Variants in CELF2 observed in about 807,000 individuals in gnomAD.
The protein encoded by CELF2 is CUGBP Elav-like family member 2, also known as CUG triplet repeat RNA-binding protein 2.
A neutral mutation model predicts 62.6 loss-of-function variants in CELF2; 8 were observed. The observed-to-expected ratio is 0.13, with a 90% CI of 0.07 to 0.23. The LOEUF is 0.23. CELF2 is among the 10% of genes least tolerant of loss of function. The pLI, the probability that CELF2 is intolerant of heterozygous loss-of-function variation, is 1.00. For missense variants in CELF2, 333 were observed against 671.0 expected, an observed-to-expected ratio of 0.50 and a Z score of 5.56; for synonymous variants, 258 against 250.0, an observed-to-expected ratio of 1.03 and a Z score of -0.30.
chr10:11,207,570 G>A lies in CELF2; in HGVS notation c.272-9855G>A, dbSNP rs141558949. Among the ~76,000 whole-genome samples, 687 of 152,350 alleles carry A rather than the reference G, an allele frequency of 4.5e-3. 7 individuals are homozygous for A. The highest frequency in any genetic ancestry group is 0.016 in the African/African-American group (658 of 41,578). ...GAAGGATGTTGGTGGAGCATCGCACGACTGCCTCAGGCGGCCAGAGGGCGG... is the reference window on the plus strand; with the variant it reads ...GAAGGATGTTGGTGGAGCATCGCACAACTGCCTCAGGCGGCCAGAGGGCGG... On this transcript the variant is annotated intron_variant, in intron 2 of 12. Transcript: ENST00000633077. The surrounding 1 kb of genome is among the most constrained non-coding windows in gnomAD (Gnocchi z 4.1).
intron 7 of CELF2, among the ~76,000 whole-genome samples, chr10:11,272,781 C>T (rs558449009): frequency 1.3e-5 from 2 of 152,224 alleles, no homozygotes; most frequent in Non-Finnish European, 2.9e-5. Flanking sequence ...GATTCTGACC[C>T]TGGCTCACCA....
chr10:11,136,053 G>T (rs1434750636), intron 1 of CELF2, among the ~76,000 whole-genome samples: 1 of 152,178 alleles, frequency 6.6e-6, no homozygotes, highest in Non-Finnish European at 1.5e-5. Flanking sequence ...GGAATATAGG[G>T]ATGTACAAAA....
At chr10:11,257,976 TAA>T in intron 5 of CELF2, 104 bp downstream of exon 5, 1 of 1,284,176 alleles carries the variant, frequency 7.8e-7, no homozygotes, top group South Asian at 1.4e-5. Context: ...GGTCACCCTG[TAA>T]TACATCCCAT....
At chr10:10,656,792 A>T in the CELF2 span, among the ~76,000 whole-genome samples, 1 of 145,080 alleles carries the variant, frequency 6.9e-6, no homozygotes, top group Non-Finnish European at 1.5e-5. Context: ...TAGTGGGTGC[A>T]GCGCACCAGC....
intron 1 of CELF2, among the ~76,000 whole-genome samples, chr10:10,860,264 C>T (rs2059976960): frequency 6.6e-6 from 1 of 152,108 alleles, no homozygotes. Context: ...TCTGAAAGAA[C>T]AAGATTAAAA....
Position 10,806,203 on chromosome 10 carries a change from C to CTTT in CELF2, c.53+7399_53+7401dup, listed in dbSNP as rs112165245. Among the ~76,000 whole-genome samples, 555 of 141,344 alleles carry CTTT rather than the reference C, an allele frequency of 3.9e-3. 11 individuals carry two copies. The highest frequency in any genetic ancestry group is 6.7e-3 in the African/African-American group (256 of 38,096). The allele number at this position is 141,344 out of a possible 152,430, so 92.7% of individuals were successfully genotyped here. A position where few individuals can be genotyped will look rare whatever the true frequency, so the allele number is the denominator to read the frequency against. On this transcript the variant is annotated intron_variant, in intron 1 of 13. Transcript: ENST00000636488. ...TGGGAGACACAGGGGTTCCAGTGTT[C>CTTT]TTTTTTTTTTTTTTTCTTTTGAGAT...
chr10:11,051,089 G>T (rs1312651083), intron 1 of CELF2, among the ~76,000 whole-genome samples: 2 of 152,206 alleles, frequency 1.3e-5, no homozygotes, highest in African/African-American at 4.8e-5. Context: ...CTTCTTGAAA[G>T]CATGGGGACA....
intron 1 of CELF2, among the ~76,000 whole-genome samples, chr10:10,873,799 C>A (rs1040965854): frequency 6.6e-6 from 1 of 152,222 alleles, no homozygotes; most frequent in African/African-American, 2.4e-5. Flanking sequence ...TTCTCTGAAT[C>A]CTCCTTGTCG....
intron 1 of CELF2, among the ~76,000 whole-genome samples, chr10:11,083,665 C>T (rs1032860080): frequency 6.6e-6 from 1 of 152,198 alleles, no homozygotes; most frequent in Non-Finnish European, 1.5e-5. Flanking sequence ...TAGTTACTCT[C>T]TGCCCCATCT....
chr10:10,965,878 A>T (rs1410101837), intron 2 of CELF2, among the ~76,000 whole-genome samples: 1 of 152,216 alleles, frequency 6.6e-6, no homozygotes, highest in East Asian at 1.9e-4. Context: ...TACCCAACTT[A>T]TGAATGGATC....
At chr10:10,891,668 C>T (rs1157858701) in intron 1 of CELF2, among the ~76,000 whole-genome samples, 1 of 152,130 alleles carries the variant, frequency 6.6e-6, no homozygotes, top group African/African-American at 2.4e-5. Context: ...CGGTTCATTC[C>T]ATGACTCGAT....
At chr10:10,705,774 C>T in the CELF2 span, among the ~76,000 whole-genome samples, 1 of 152,182 alleles carries the variant, frequency 6.6e-6, no homozygotes, top group Non-Finnish European at 1.5e-5. Context: ...ATTTGGCAAC[C>T]TCGTAACACA....
At chr10:10,904,026 C>T (rs910372006) in intron 1 of CELF2, among the ~76,000 whole-genome samples, 16 of 152,212 alleles carry the variant, frequency 1.1e-4, no homozygotes, top group African/African-American at 3.6e-4. Flanking sequence ...CATCTTCTCT[C>T]TACAGAGTCC....
intron 1 of CELF2, among the ~76,000 whole-genome samples, chr10:11,143,824 A>C (rs1193383666): frequency 6.6e-6 from 1 of 152,228 alleles, no homozygotes; most frequent in Admixed American, 6.5e-5. Flanking sequence ...ATTAAAATAC[A>C]TTTCTTTTCA....
intron 1 of CELF2, among the ~76,000 whole-genome samples, chr10:10,850,331 A>C (rs1591162753): frequency 6.6e-6 from 1 of 152,204 alleles, no homozygotes; most frequent in South Asian, 2.1e-4. Context: ...CTATCACTGC[A>C]TGGTACCTAT....
chr10:11,108,241 G>A (rs1286045756), intron 1 of CELF2, among the ~76,000 whole-genome samples: 3 of 150,526 alleles, frequency 2.0e-5, no homozygotes, highest in Non-Finnish European at 4.4e-5. Flanking sequence ...GTTACCATTA[G>A]GATGTGTCAA....
At chr10:10,927,629 ATGT>A (rs2065659114) in intron 2 of CELF2, among the ~76,000 whole-genome samples, 1 of 152,038 alleles carries the variant, frequency 6.6e-6, no homozygotes, top group Non-Finnish European at 1.5e-5. Flanking sequence ...GAGTCTTGGT[ATGT>A]TACCCAAGCT....
chr10:10,543,231 C>G, the CELF2 span, among the ~76,000 whole-genome samples: 1 of 152,110 alleles, frequency 6.6e-6, no homozygotes, highest in Non-Finnish European at 1.5e-5. Context: ...CATCATGCCC[C>G]CAGAGTAAAC....
intron 5 of CELF2, among the ~76,000 whole-genome samples, chr10:11,263,523 G>C (rs935264331): frequency 2.0e-5 from 3 of 152,176 alleles, no homozygotes; most frequent in African/African-American, 7.2e-5. Flanking sequence ...CAACAGTCTA[G>C]AATAGTTAAG....
Sources: allele counts gnomAD v4.1 joint callset (sites outside exome capture counted in the v4.1 genomes callset), GRCh38; gene constraint gnomAD v4.1.1; non-coding constraint Gnocchi (gnomAD v3.1); transcripts MANE v1.5; gene names NCBI Gene and HGNC (gene_info 2026-07-23, HGNC 2026-07-21).